The following TENM1 variants were observed in gnomAD, a reference collection of about 807,000 sequenced individuals.
TENM1 encodes the protein teneurin-1.
A neutral mutation model predicts 174.8 loss-of-function variants in TENM1; 35 were observed. That is an observed-to-expected ratio of 0.20 (90% CI 0.15 to 0.27). The LOEUF (loss-of-function observed/expected upper bound fraction) is 0.27. TENM1 is among the 10% of genes least tolerant of loss of function. The pLI, the probability that TENM1 is intolerant of heterozygous loss-of-function variation, is 1.00. For synonymous variants in TENM1, 781 were observed against 798.7 expected, an observed-to-expected ratio of 0.98 and a Z score of 0.37; for missense variants, 1,633 against 2,130.1, an observed-to-expected ratio of 0.77 and a Z score of 4.59.
chrX:125,104,030 G>C, the TENM1 span, among the ~76,000 whole-genome samples: 1 of 111,804 alleles, frequency 8.9e-6, no homozygotes, highest in South Asian at 3.8e-4. Context: ...AAACAGCTAG[G>C]TTATGATGCA....
chrX:124,625,488 C>T (rs911433864), intron 11 of TENM1, among the ~76,000 whole-genome samples: 5 of 110,637 alleles, frequency 4.5e-5, no homozygotes, highest in Non-Finnish European at 7.6e-5. Context: ...TTTAAGTGTT[C>T]GCATGAAAAA....
At chrX:124,967,647 C>T (rs901159160), upstream of TENM1, among the ~76,000 whole-genome samples, 1 of 111,610 alleles carries the variant, frequency 9.0e-6, no homozygotes, top group African/African-American at 3.3e-5. Context: ...TGTTAATGGC[C>T]ACATTAGTAG....
chrX:125,120,323 T>G, the TENM1 span, among the ~76,000 whole-genome samples: 1 of 111,569 alleles, frequency 9.0e-6, no homozygotes, highest in African/African-American at 3.3e-5. Context: ...ACTATGTATG[T>G]TTTTAAGTTC....
chrX:124,451,176 T>C (rs1365954658), intron 23 of TENM1, among the ~76,000 whole-genome samples: 1 of 111,330 alleles, frequency 9.0e-6, no homozygotes, highest in African/African-American at 3.3e-5. Flanking sequence ...GTATGCTCTA[T>C]AATCTCTTTA....
chrX:124,737,221 T>A, intron 3 of TENM1, 24 bp from the exon 7 acceptor site: 1 of 1,157,600 alleles, frequency 8.6e-7, no homozygotes, highest in East Asian at 3.1e-5. Flanking sequence ...AAGAGAAACA[T>A]AAAATAGAGA....
chrX:124,382,647 G>A (rs2060172167), intron 31 of TENM1, 23 bp downstream of exon 34: 2 of 1,194,848 alleles, frequency 1.7e-6, no homozygotes, highest in African/African-American at 1.8e-5. Flanking sequence ...CAGCTAAAAG[G>A]AGGTGATAAA....
intron 5 of TENM1, among the ~76,000 whole-genome samples, chrX:124,690,268 C>G (rs2052481873): frequency 9.0e-6 from 1 of 110,749 alleles, no homozygotes; most frequent in Non-Finnish European, 1.9e-5. Context: ...CAAGATATCC[C>G]AGGCTTACCT....
At chrX:124,424,372 CA>C (rs1193093656) in intron 23 of TENM1, among the ~76,000 whole-genome samples, 1 of 111,801 alleles carries the variant, frequency 8.9e-6, no homozygotes, top group Non-Finnish European at 1.9e-5. Flanking sequence ...AAATATATAA[CA>C]AATTGTTGTT....
At chrX:124,572,968 G>A (rs2049088793) in intron 11 of TENM1, among the ~76,000 whole-genome samples, 1 of 110,892 alleles carries the variant, frequency 9.0e-6, no homozygotes, top group South Asian at 3.8e-4. Flanking sequence ...TGTAATTCTG[G>A]TAAATATCCC....
the TENM1 span, among the ~76,000 whole-genome samples, chrX:125,178,445 G>A: frequency 9.0e-6 from 1 of 110,687 alleles, no homozygotes; most frequent in African/African-American, 3.3e-5. Flanking sequence ...ATTGCATGTA[G>A]GTACTTTATC....
chrX:124,886,414 A>G (rs2057384614), intron 3 of TENM1, among the ~76,000 whole-genome samples: 1 of 108,651 alleles, frequency 9.2e-6, no homozygotes, highest in African/African-American at 3.3e-5. Context: ...CCATACATTC[A>G]CATTTATTAT....
At chrX:124,873,745 G>A (rs1490926125) in intron 3 of TENM1, among the ~76,000 whole-genome samples, 3 of 110,982 alleles carry the variant, frequency 2.7e-5, no homozygotes, top group Non-Finnish European at 5.7e-5. Context: ...GTCTCATTTT[G>A]TTTGTGCTAG....
intron 28 of TENM1, among the ~76,000 whole-genome samples, chrX:124,389,854 C>T (rs917002366): frequency 3.6e-5 from 4 of 111,996 alleles, no homozygotes; most frequent in Non-Finnish European, 5.6e-5. Context: ...AAGAATCGTT[C>T]CATAATTATG....
intron 15 of TENM1, among the ~76,000 whole-genome samples, chrX:124,544,073 A>G (rs991295727): frequency 4.4e-5 from 5 of 112,919 alleles, no homozygotes; most frequent in African/African-American, 1.3e-4. Context: ...CCCCTTCAAA[A>G]TGCTTTCTTC....
chrX:124,584,078 C>G (rs1413495942), intron 11 of TENM1, among the ~76,000 whole-genome samples: 1 of 109,080 alleles, frequency 9.2e-6, no homozygotes, highest in Non-Finnish European at 1.9e-5. Context: ...CTGAAAGTGA[C>G]GGGGAGAATG....
intron 22 of TENM1, among the ~76,000 whole-genome samples, chrX:124,456,924 A>G (rs2061114190): frequency 1.8e-5 from 2 of 112,268 alleles, no homozygotes; most frequent in African/African-American, 6.5e-5. Context: ...AATCAAAGGT[A>G]CAGTCTCTGG....
At chrX:125,096,135 T>A in the TENM1 span, among the ~76,000 whole-genome samples, 1 of 111,766 alleles carries the variant, frequency 8.9e-6, no homozygotes, top group Non-Finnish European at 1.9e-5. Context: ...AGTACAGATC[T>A]CAGACTGCTG....
chrX:124,412,988 A>T (rs2060553530), intron 25 of TENM1, among the ~76,000 whole-genome samples: 1 of 111,925 alleles, frequency 8.9e-6, no homozygotes, highest in South Asian at 3.8e-4. Flanking sequence ...AGGCATTCCA[A>T]ATGGAGGTAT....
At chrX:125,079,162 T>C in the TENM1 span, among the ~76,000 whole-genome samples, 1 of 111,593 alleles carries the variant, frequency 9.0e-6, no homozygotes, top group South Asian at 3.7e-4. Flanking sequence ...TGAACTTAAA[T>C]AGCAATGCAA....
Sources: allele counts gnomAD v4.1 joint callset (sites outside exome capture counted in the v4.1 genomes callset), GRCh38; gene constraint gnomAD v4.1.1; transcripts MANE v1.5; gene names NCBI Gene and HGNC (gene_info 2026-07-23, HGNC 2026-07-21).